The following PXDNL variants were observed in gnomAD, a reference collection of about 807,000 sequenced individuals.
PXDNL encodes the protein probable oxidoreductase PXDNL.
PXDNL carries 145 observed loss-of-function variants against 150.8 expected under a neutral mutation model. That is an observed-to-expected ratio of 0.96 (90% confidence interval 0.84 to 1.10). The LOEUF is 1.10. Ranked by LOEUF, PXDNL falls within the 50% of genes least tolerant of loss-of-function variation. PXDNL has a pLI of 0.00. For missense variants in PXDNL, 2,087 were observed against 1,873.9 expected (o/e 1.11, Z -2.10); for synonymous variants, 757 against 725.7 (o/e 1.04, Z -0.69).
chr8:51,335,735 C>T (rs1805816773), intron 21 of PXDNL, among the ~76,000 whole-genome samples: 1 of 148,150 alleles, frequency 6.7e-6, no homozygotes, highest in Non-Finnish European at 1.5e-5. Context: ...ATGCCCTCTC[C>T]ACAGTCAGGT....
intron 2 of PXDNL, among the ~76,000 whole-genome samples, chr8:51,616,699 C>A (rs1192269246): frequency 6.6e-6 from 1 of 152,142 alleles, no homozygotes; most frequent in Admixed American, 6.5e-5. Context: ...TAAAATAATG[C>A]CTACACATCA....
At chr8:51,447,187 T>C in intron 11 of PXDNL, 25 bp from the exon 12 acceptor site, 1 of 1,610,774 alleles carries the variant, frequency 6.2e-7, no homozygotes, top group Non-Finnish European at 8.5e-7. Context: ...AAAGAAAGTA[T>C]TCTTCATGGC....
At chr8:51,492,863 A>G (rs1330797542) in intron 5 of PXDNL, among the ~76,000 whole-genome samples, 2 of 152,192 alleles carry the variant, frequency 1.3e-5, no homozygotes, top group African/African-American at 2.4e-5. Flanking sequence ...GGGGCAGGGC[A>G]TAGCCAAACA....
chr8:51,506,799 T>A (rs1352661580), intron 4 of PXDNL, among the ~76,000 whole-genome samples: 2 of 152,308 alleles, frequency 1.3e-5, no homozygotes, highest in Admixed American at 1.3e-4. Context: ...TTAAGGATCA[T>A]CAATGTCTTC....
chr8:51,608,249 C>T (rs1228165454), intron 2 of PXDNL, among the ~76,000 whole-genome samples: 2 of 146,890 alleles, frequency 1.4e-5, no homozygotes, highest in African/African-American at 5.3e-5. Context: ...ATTAGCCAGG[C>T]GTGGTGGCGG....
At chr8:51,619,756 T>A (rs928489701) in intron 2 of PXDNL, among the ~76,000 whole-genome samples, 4 of 152,186 alleles carry the variant, frequency 2.6e-5, no homozygotes, top group Non-Finnish European at 5.9e-5. Context: ...TTAAACCTCT[T>A]TTCTTTATAA....
intron 2 of PXDNL, among the ~76,000 whole-genome samples, chr8:51,623,071 T>G (rs1814288605): frequency 6.6e-6 from 1 of 152,240 alleles, no homozygotes; most frequent in African/African-American, 2.4e-5. Context: ...TTTCCATACT[T>G]CCTGGTTTAA....
intron 6 of PXDNL, among the ~76,000 whole-genome samples, chr8:51,482,434 T>C (rs1810624063): frequency 6.6e-6 from 1 of 152,302 alleles, no homozygotes; most frequent in Admixed American, 6.5e-5. Context: ...GATGAAACTT[T>C]GGACTGTGGA....
intron 3 of PXDNL, among the ~76,000 whole-genome samples, chr8:51,586,225 A>T (rs1405241658): frequency 6.6e-6 from 1 of 152,206 alleles, no homozygotes; most frequent in Non-Finnish European, 1.5e-5. Flanking sequence ...GGATAAGATC[A>T]TTGTGTGAAC....
intron 1 of PXDNL, among the ~76,000 whole-genome samples, chr8:51,677,827 T>C (rs1006819865): frequency 3.3e-5 from 5 of 152,184 alleles, no homozygotes; most frequent in Non-Finnish European, 5.9e-5. Flanking sequence ...ATAATGAAAG[T>C]AAATATAGAA....
chr8:51,793,873 A>G (rs560408298), intron 1 of PXDNL, among the ~76,000 whole-genome samples: 1 of 152,224 alleles, frequency 6.6e-6, no homozygotes, highest in East Asian at 1.9e-4. Context: ...CCTGGGCAAC[A>G]GAGCAAGACT....
intron 12 of PXDNL, among the ~76,000 whole-genome samples, chr8:51,446,411 T>C (rs1009268627): frequency 1.3e-5 from 2 of 152,156 alleles, no homozygotes; most frequent in African/African-American, 4.8e-5. Flanking sequence ...TAAGAAAAAA[T>C]TTCAGCAGTA....
At chr8:51,784,015 AT>A (rs199607502) in intron 1 of PXDNL, among the ~76,000 whole-genome samples, 2 of 148,846 alleles carry the variant, frequency 1.3e-5, no homozygotes, top group Non-Finnish European at 3.0e-5. Flanking sequence ...CCAAAAAAAA[AT>A]CAATTTGAAA....
At chr8:51,741,111 G>T (rs899392198) in intron 1 of PXDNL, among the ~76,000 whole-genome samples, 2 of 152,122 alleles carry the variant, frequency 1.3e-5, no homozygotes, top group African/African-American at 2.4e-5. Flanking sequence ...TTGTGTGTTT[G>T]TTTGTTTTTT....
At chr8:51,439,169 C>G (rs569877660) in intron 12 of PXDNL, among the ~76,000 whole-genome samples, 1 of 149,562 alleles carries the variant, frequency 6.7e-6, no homozygotes, top group Non-Finnish European at 1.5e-5. Flanking sequence ...TCTTTGCAAT[C>G]TATGCATCCA....
intron 1 of PXDNL, among the ~76,000 whole-genome samples, chr8:51,684,064 A>G (rs952817725): frequency 9.9e-5 from 15 of 152,214 alleles, no homozygotes; most frequent in Non-Finnish European, 1.2e-4. Context: ...TATGACACCA[A>G]TATCTATGCT....
intron 21 of PXDNL, among the ~76,000 whole-genome samples, chr8:51,323,143 A>T (rs757162263): frequency 6.6e-6 from 1 of 152,246 alleles, no homozygotes; most frequent in Non-Finnish European, 1.5e-5. Context: ...TAGGACATAT[A>T]GAAAACTTTT....
chr8:51,642,008 A>G (rs1814767527), intron 2 of PXDNL, among the ~76,000 whole-genome samples: 1 of 147,846 alleles, frequency 6.8e-6, no homozygotes, highest in Non-Finnish European at 1.5e-5. Flanking sequence ...CATATACACC[A>G]TGGAATACTA....
At chr8:51,395,219 C>T (rs1167190212) in intron 17 of PXDNL, among the ~76,000 whole-genome samples, 2 of 152,200 alleles carry the variant, frequency 1.3e-5, no homozygotes, top group East Asian at 3.9e-4. Flanking sequence ...ATCAGGCCCT[C>T]CTTGACTTTG....
Sources: gnomAD v4.1 joint callset for allele counts (sites outside exome capture counted in the v4.1 genomes callset) on GRCh38, gnomAD v4.1.1 for gene constraint, MANE v1.5 for transcripts, NCBI Gene and HGNC (gene_info 2026-07-23, HGNC 2026-07-21) for gene names.